The following PAX7 variants were observed in gnomAD, a reference collection of about 807,000 sequenced individuals.
The protein encoded by PAX7 is paired box 7, also known as paired box protein Pax-7.
PAX7 carries 18 observed loss-of-function variants against 50.7 expected under a neutral mutation model. The observed-to-expected ratio is 0.36, with a 90% CI of 0.25 to 0.53. PAX7 has a LOEUF of 0.53. PAX7 is among the 20% of genes least tolerant of loss of function. The pLI, the probability that PAX7 is intolerant of heterozygous loss-of-function variation, is 0.93. For missense variants in PAX7, 644 were observed against 702.9 expected, an observed-to-expected ratio of 0.92 and a Z score of 0.95; for synonymous variants, 310 against 290.4, an observed-to-expected ratio of 1.07 and a Z score of -0.69.
chr1:18,704,107 C>T lies in PAX7; in HGVS notation c.1155+811C>T, dbSNP rs759799716. Reference sequence around the variant, plus strand: ...AATCAGTGCCAAGTAAATATTAGTTCTCTGGCCCTCCCAGTGTCAGGACAA... The same window carrying T: ...AATCAGTGCCAAGTAAATATTAGTTTTCTGGCCCTCCCAGTGTCAGGACAA... On this transcript the variant is annotated intron_variant, in intron 7 of 8. Transcript: ENST00000420770. Among the ~76,000 whole-genome samples the T allele has an allele frequency of 3.9e-5, 6 of 152,340 alleles. No individual in the cohort carries two copies. In the East Asian group the frequency reaches 9.6e-4, roughly 24 times the overall value.
At chr1:18,645,287 G>A (rs1480653779) in intron 4 of PAX7, among the ~76,000 whole-genome samples, 1 of 152,264 alleles carries the variant, frequency 6.6e-6, no homozygotes, top group Admixed American at 6.5e-5. Context: ...GAGAGGCGGA[G>A]GGAGGAGCGG....
Position 18,747,281 on chromosome 1 carries a change from G to A in PAX7, c.*2352G>A. On this transcript the variant is annotated 3_prime_UTR_variant, in exon 9 of 9. Transcript: ENST00000420770. ...TGCTAGGACCAATCCCAGATATCTG[G>A]TCCCGATGGTGAAATGGAACAAAGA... The A allele has an allele frequency of 4.4e-6, 1 of 229,628 alleles. No individual in the cohort carries two copies. Among genetic ancestry groups the A allele is most frequent in the East Asian group, 6.2e-5 (1 of 16,112 alleles). The allele number at this position is 229,628 out of a possible 1,614,324, so 14.2% of individuals were successfully genotyped here. A position where few individuals can be genotyped will look rare whatever the true frequency, so the allele number is the denominator to read the frequency against.
At chr1:18,727,889 G>C (rs1352538224) in intron 7 of PAX7, among the ~76,000 whole-genome samples, 1 of 152,014 alleles carries the variant, frequency 6.6e-6, no homozygotes. Context: ...CTGAAGTGGG[G>C]GACAGGGAGA....
At chr1:18,714,324 A>C (rs1002490884) in intron 7 of PAX7, among the ~76,000 whole-genome samples, 2 of 152,190 alleles carry the variant, frequency 1.3e-5, no homozygotes, top group Non-Finnish European at 2.9e-5. Context: ...CATTTTACTC[A>C]TCTGTGAAAT....
intron 4 of PAX7, among the ~76,000 whole-genome samples, chr1:18,665,671 C>CATTT (rs1557517686): frequency 1.4e-5 from 1 of 71,778 alleles, no homozygotes; most frequent in Non-Finnish European, 2.6e-5. Context: ...CTGCGCCCAG[C>CATTT]CTTTTTTTTT....
chr1:18,710,227 GTGATGGAGATGGGGTTC>G (rs1466113716), intron 7 of PAX7, among the ~76,000 whole-genome samples: 1 of 152,336 alleles, frequency 6.6e-6, no homozygotes, highest in East Asian at 1.9e-4. Flanking sequence ...GAGCAGGTGA[GTGATGGAGATGGGGTTC>G]TAATTCAGGT....
intron 8 of PAX7, among the ~76,000 whole-genome samples, chr1:18,740,630 G>A (rs1248580045): frequency 1.3e-5 from 2 of 152,154 alleles, no homozygotes; most frequent in Non-Finnish European, 2.9e-5. Flanking sequence ...CAAAGCCAGT[G>A]AAAACTAGAA....
chr1:18,655,869 G>T (rs2088509283), intron 4 of PAX7, among the ~76,000 whole-genome samples: 1 of 151,664 alleles, frequency 6.6e-6, no homozygotes, highest in Admixed American at 6.6e-5. Context: ...CCTAGGCTTT[G>T]CAGGGGCAGA....
chr1:18,650,125 T>G (rs1280052876), intron 4 of PAX7, among the ~76,000 whole-genome samples: 1 of 152,214 alleles, frequency 6.6e-6, no homozygotes, highest in African/African-American at 2.4e-5. Context: ...CATCCAAGGC[T>G]ACTCTGGAGG....
rs12081617 is a variant in PAX7, at chr1:18,705,828, C to T, written c.1155+2532C>T. Among the ~76,000 whole-genome samples, 332 of 152,298 alleles carry T rather than the reference C, an allele frequency of 2.2e-3. 2 individuals are homozygous for T. The highest frequency in any genetic ancestry group is 7.8e-3 in the African/African-American group (323 of 41,554). On this transcript the variant is annotated intron_variant, in intron 7 of 8. Coordinates refer to ENST00000420770, the MANE Select transcript of PAX7 (RefSeq NM_001135254.2). ...TTTTACTGAAGCTAAAAGCGAGAGG[C>T]CTCCAGCCCATTCCTCAGGGCTGGG...
At chr1:18,651,596 G>T (rs764817353) in intron 4 of PAX7, among the ~76,000 whole-genome samples, 64 of 152,198 alleles carry the variant, frequency 4.2e-4, no homozygotes, top group Admixed American at 1.6e-3. Context: ...TTAACTTGGG[G>T]GCAATAGAAG....
Position 18,747,688 on chromosome 1 carries a change from A to C in PAX7, c.*2759A>C, listed in dbSNP as rs1455411021. The C allele has an allele frequency of 4.8e-6, 1 of 206,308 alleles. No homozygotes were observed. Among genetic ancestry groups the C allele is most frequent in the Non-Finnish European group, 9.9e-6 (1 of 101,034 alleles). 12.8% of individuals were successfully genotyped at this position (206,308 alleles called of 1,614,324 possible). The stretch of plus-strand genomic sequence containing the variant: ...TAGCAAAATAAGAGCTGCTTCCTCC[A>C]ACTTATCACAAGTCGCCGTTGGTCC... On this transcript the variant is annotated 3_prime_UTR_variant, in exon 9 of 9. Coordinates refer to ENST00000420770, the MANE Select transcript of PAX7 (RefSeq NM_001135254.2).
In PAX7 at chr1:18,703,363, G is replaced by A. The variant is rs986036933; in HGVS notation, c.1155+67G>A. 79 of 1,411,796 alleles carry A rather than the reference G, an allele frequency of 5.6e-5. No homozygotes were observed. The African/African-American group carries it at 9.6e-4, about 17-fold the overall frequency. The allele number at this position is 1,411,796 out of a possible 1,614,324, so 87.5% of individuals were successfully genotyped here. On this transcript the variant is annotated intron_variant, in intron 7 of 8. Coordinates refer to ENST00000420770, the MANE Select transcript of PAX7 (RefSeq NM_001135254.2). ...AAAGTCAGACATCTGCAGACAGCAC[G>A]TGGGTGGAAGCCTTGCGCTCTTTCC...
At chr1:18,676,404 G>A (rs1214864667) in intron 4 of PAX7, among the ~76,000 whole-genome samples, 1 of 151,430 alleles carries the variant, frequency 6.6e-6, no homozygotes, top group Non-Finnish European at 1.5e-5. Flanking sequence ...AGAGAGGGTG[G>A]GGAGGGGGGC....
Position 18,703,247 on chromosome 1 carries a change from C to T in PAX7, c.1106C>T (p.Ala369Val), listed in dbSNP as rs1013770872. The T allele has an allele frequency of 3.7e-6, 6 of 1,614,080 alleles. No homozygotes were observed. In the African/African-American group the frequency reaches 6.7e-5, roughly 18 times the overall value. The change falls in exon 7 of 9, where the codon GCG (alanine) becomes GTG (valine). Residue 369 changes from alanine to valine, a missense_variant. Transcript: ENST00000420770. ...SSYSDSFMNP[A>V]APSNHMNPVS... ...TACTCTGACAGCTTCATGAATCCGG[C>T]GGCGCCCTCCAACCACATGAACCCG...
intron 4 of PAX7, among the ~76,000 whole-genome samples, chr1:18,668,718 G>A (rs2088701913): frequency 6.6e-6 from 1 of 152,066 alleles, no homozygotes; most frequent in African/African-American, 2.4e-5. Flanking sequence ...TCATAATAAT[G>A]ACATAACAAT....
intron 4 of PAX7, among the ~76,000 whole-genome samples, chr1:18,656,395 A>G (rs1395601759): frequency 2.0e-5 from 3 of 152,150 alleles, no homozygotes; most frequent in Non-Finnish European, 4.4e-5. Context: ...GCTACTCGGG[A>G]GGCTGAGGCA....
At chr1:18,697,697 A>C (rs1326238310) in intron 5 of PAX7, among the ~76,000 whole-genome samples, 1 of 152,190 alleles carries the variant, frequency 6.6e-6, no homozygotes, top group Non-Finnish European at 1.5e-5. Context: ...AAGGAAGAAG[A>C]GATGACAGAA....
At chr1:18,679,644 T>G (rs1557525803) in intron 4 of PAX7, among the ~76,000 whole-genome samples, 2 of 152,186 alleles carry the variant, frequency 1.3e-5, no homozygotes, top group African/African-American at 4.8e-5. Flanking sequence ...TGGCCCCCTC[T>G]TCTCTGTAGG....
Sources: gnomAD v4.1 joint callset for allele counts (sites outside exome capture counted in the v4.1 genomes callset) on GRCh38, gnomAD v4.1.1 for gene constraint, MANE v1.5 for transcripts, NCBI Gene and HGNC (gene_info 2026-07-23, HGNC 2026-07-21) for gene names.